The following WWOX variants were observed in gnomAD, a reference collection of about 807,000 sequenced individuals.
The protein encoded by WWOX is WW domain containing oxidoreductase.
A neutral mutation model predicts 46.2 loss-of-function variants in WWOX; 69 were observed. That is an observed-to-expected ratio of 1.49 (90% CI 1.23 to 1.82). WWOX has a LOEUF of 1.82. Among genes scored for constraint, WWOX ranks in the 40% most tolerant of loss-of-function variants. WWOX has a pLI of 0.00. For synonymous variants in WWOX, 359 were observed against 202.6 expected (o/e 1.77, Z -6.56); for missense variants, 919 against 542.6 (o/e 1.69, Z -6.89).
At chr16:78,876,969 G>T (rs1377439704) in intron 8 of WWOX, among the ~76,000 whole-genome samples, 2 of 152,118 alleles carry the variant, frequency 1.3e-5, no homozygotes. Context: ...CCTCTGTATA[G>T]TCTTATTACT....
chr16:78,578,284 A>ATATATATATATATATATATTTTT (rs1555567122), intron 8 of WWOX, among the ~76,000 whole-genome samples: 2 of 20,840 alleles, frequency 9.6e-5, no homozygotes, highest in East Asian at 1.3e-3. Flanking sequence ...ATATATATAT[A>ATATATATATATATATATATTTTT]TTTTTTTTTT....
At chr16:79,089,641 C>G (rs1200598888) in intron 8 of WWOX, among the ~76,000 whole-genome samples, 3 of 152,140 alleles carry the variant, frequency 2.0e-5, no homozygotes, top group Admixed American at 1.3e-4. Context: ...AGGTGGCAAT[C>G]TTTATACATA....
chr16:78,478,188 A>G (rs2084398147), intron 8 of WWOX, among the ~76,000 whole-genome samples: 1 of 152,228 alleles, frequency 6.6e-6, no homozygotes, highest in Admixed American at 6.5e-5. Context: ...ATACAAGGAT[A>G]TAAATGATAA....
chr16:78,885,330 G>C (rs989107274), intron 8 of WWOX, among the ~76,000 whole-genome samples: 1 of 151,346 alleles, frequency 6.6e-6, no homozygotes. Context: ...ATAACATTTG[G>C]TCAGTATAAA....
In WWOX at chr16:78,902,431, G is replaced by A. The variant is rs576796631; in HGVS notation, c.1057-309177G>A. 2.3e-4 allele frequency among the ~76,000 whole-genome samples: 35 copies of A among 152,368 alleles called. 1 individual carries two copies. Among genetic ancestry groups the A allele is most frequent in the Admixed American group, 1.8e-3 (27 of 15,306 alleles). ...TCTCTTGTATCCAGCAGCGCCACGC[G>A]GGGCGGGCGGGAGAGGCAAGGCTAA... On this transcript the variant is annotated intron_variant, in intron 8 of 8. Transcript: ENST00000566780.
intron 8 of WWOX, chr16:78,495,881 T>G (rs1597165447): frequency 6.6e-6 from 1 of 152,180 alleles, no homozygotes; most frequent in South Asian, 2.1e-4. Context: ...GGATTACGTT[T>G]ATAATTTTCG....
At chr16:78,398,952 G>T (rs2082350632) in intron 6 of WWOX, among the ~76,000 whole-genome samples, 1 of 152,194 alleles carries the variant, frequency 6.6e-6, no homozygotes, top group Admixed American at 6.5e-5. Flanking sequence ...GGGATGGGTG[G>T]CTGGCTGGCT....
intron 5 of WWOX, among the ~76,000 whole-genome samples, chr16:78,238,577 C>T (rs991504138): frequency 6.6e-5 from 10 of 151,988 alleles, no homozygotes; most frequent in Non-Finnish European, 1.5e-4. Flanking sequence ...TGCCCCAAAC[C>T]CCGCAAAGGT....
At chr16:79,156,466 TGCAGTTTTTAAAG>T (rs1174298780) in intron 8 of WWOX, among the ~76,000 whole-genome samples, 1 of 152,176 alleles carries the variant, frequency 6.6e-6, no homozygotes, top group Non-Finnish European at 1.5e-5. Context: ...CAGCAACAAT[TGCAGTTTTTAAAG>T]GCAGAAAATA....
chr16:78,563,369 C>T (rs1235065499), intron 8 of WWOX, among the ~76,000 whole-genome samples: 1 of 151,726 alleles, frequency 6.6e-6, no homozygotes, highest in Non-Finnish European at 1.5e-5. Flanking sequence ...AGATTCAGGG[C>T]AGTATGGGGT....
At chr16:79,016,387 C>G (rs2047413235) in intron 8 of WWOX, 1 of 152,194 alleles carries the variant, frequency 6.6e-6, no homozygotes, top group Admixed American at 6.6e-5. Flanking sequence ...CCCACTTGCC[C>G]ACGAGCAGCA....
intron 8 of WWOX, among the ~76,000 whole-genome samples, chr16:78,976,696 G>A (rs549990877): frequency 5.7e-4 from 86 of 152,200 alleles, no homozygotes; most frequent in Middle Eastern, 6.3e-3. Flanking sequence ...GAAAATGCCT[G>A]AGACCCACCA....
intron 5 of WWOX, among the ~76,000 whole-genome samples, chr16:78,380,097 C>T (rs185182496): frequency 4.9e-4 from 74 of 152,172 alleles, no homozygotes; most frequent in African/African-American, 1.7e-3. Context: ...CCCCTGTATC[C>T]GAGGGAAACT....
At chr16:78,738,635 T>G (rs1282478000) in intron 8 of WWOX, among the ~76,000 whole-genome samples, 1 of 152,230 alleles carries the variant, frequency 6.6e-6, no homozygotes, top group African/African-American at 2.4e-5. Flanking sequence ...GTTACGCTTG[T>G]GGTTTTTAAA....
intron 8 of WWOX, among the ~76,000 whole-genome samples, chr16:79,043,332 T>C (rs1344205593): frequency 1.3e-5 from 2 of 152,124 alleles, no homozygotes; most frequent in East Asian, 3.9e-4. Flanking sequence ...ATTAAAAAAA[T>C]GGTTTTTGAT....
intron 5 of WWOX, among the ~76,000 whole-genome samples, chr16:78,386,260 A>G (rs1205469559): frequency 3.3e-5 from 5 of 152,124 alleles, no homozygotes; most frequent in African/African-American, 4.8e-5. Flanking sequence ...CATTATTACC[A>G]TTATTATTCC....
At chr16:78,231,454 G>A (rs1354721859) in intron 5 of WWOX, among the ~76,000 whole-genome samples, 1 of 152,170 alleles carries the variant, frequency 6.6e-6, no homozygotes, top group Non-Finnish European at 1.5e-5. Flanking sequence ...CCGCTCTCAG[G>A]TGGCCATCGA....
chr16:78,853,525 C>G (rs2052498840), intron 8 of WWOX, among the ~76,000 whole-genome samples: 1 of 152,210 alleles, frequency 6.6e-6, no homozygotes, highest in African/African-American at 2.4e-5. Flanking sequence ...ACCCGGTGTG[C>G]TAAAACCCCC....
intron 8 of WWOX, among the ~76,000 whole-genome samples, chr16:78,460,528 G>A (rs999746201): frequency 6.6e-6 from 1 of 152,142 alleles, no homozygotes; most frequent in African/African-American, 2.4e-5. Context: ...AACCCTGAAT[G>A]TGACTGATAC....
Sources: allele counts gnomAD v4.1 joint callset (sites outside exome capture counted in the v4.1 genomes callset), GRCh38; gene constraint gnomAD v4.1.1; transcripts MANE v1.5; gene names NCBI Gene and HGNC (gene_info 2026-07-23, HGNC 2026-07-21).